DPP10: variants seen among roughly 807,000 people sequenced by gnomAD.
The protein encoded by DPP10 is inactive dipeptidyl peptidase 10.
A neutral mutation model predicts 120.9 loss-of-function variants in DPP10; 33 were observed. That is an observed-to-expected ratio of 0.27 (90% confidence interval 0.21 to 0.37). The LOEUF is 0.37. DPP10 is among the 10% of genes least tolerant of loss of function. The probability of loss-of-function intolerance (pLI) is 1.00; values close to 1 mark genes in which losing one functional copy is unlikely to be tolerated. For missense variants in DPP10, 816 were observed against 942.8 expected, an observed-to-expected ratio of 0.87 and a Z score of 1.76; for synonymous variants, 337 against 326.1, an observed-to-expected ratio of 1.03 and a Z score of -0.36.
intron 1 of DPP10, among the ~76,000 whole-genome samples, chr2:114,934,785 G>A (rs10181973): frequency 6.6e-6 from 1 of 152,020 alleles, no homozygotes; most frequent in African/African-American, 2.4e-5. Context: ...GAACCACAGG[G>A]TTGAGGGGAG....
intron 8 of DPP10, among the ~76,000 whole-genome samples, chr2:115,736,706 G>T (rs1575634874): frequency 6.6e-6 from 1 of 152,096 alleles, no homozygotes; most frequent in South Asian, 2.1e-4. Context: ...AAATTCACGT[G>T]CCATCAGCTC....
At chr2:115,401,072 C>A (rs1155663) in intron 3 of DPP10, among the ~76,000 whole-genome samples, 25,679 of 152,144 alleles carry the variant, frequency 0.17, 2,707 homozygotes, top group East Asian at 0.35. Flanking sequence ...ATGAGCGAGC[C>A]ATAGAAGGTC....
intron 1 of DPP10, among the ~76,000 whole-genome samples, chr2:114,708,074 G>A (rs1489915708): frequency 1.3e-5 from 2 of 152,192 alleles, no homozygotes; most frequent in Non-Finnish European, 2.9e-5. Flanking sequence ...CTTAGCTCCA[G>A]TTTGGTAAGA....
chr2:115,739,473 T>C (rs1046044892), intron 8 of DPP10, among the ~76,000 whole-genome samples: 2 of 152,120 alleles, frequency 1.3e-5, no homozygotes, highest in African/African-American at 4.8e-5. Context: ...ATTACTCCAG[T>C]AGTGCTTTCA....
In DPP10 at chr2:114,942,527, C is replaced by G. The variant is rs78306081; in HGVS notation, c.61-366712C>G. Among the ~76,000 whole-genome samples the G allele has an allele frequency of 3.2e-3, 480 of 150,666 alleles. 1 individual carries two copies. The highest frequency in any genetic ancestry group is 0.011 in the African/African-American group (469 of 41,064). On this transcript the variant is annotated intron_variant, in intron 1 of 25. Transcript: ENST00000410059. ...AAGATTGTGGCCAGGAAGAATAAGT[C>G]AATCTGTCTTTTGATTACATAGATT...
intron 5 of DPP10, among the ~76,000 whole-genome samples, chr2:115,683,446 C>T (rs2090785276): frequency 6.6e-6 from 1 of 151,872 alleles, no homozygotes; most frequent in African/African-American, 2.4e-5. Context: ...CTCATCATAA[C>T]TCACGGAATA....
intron 2 of DPP10, among the ~76,000 whole-genome samples, chr2:115,321,824 T>A (rs957303004): frequency 4.6e-5 from 7 of 152,184 alleles, no homozygotes; most frequent in Non-Finnish European, 1.0e-4. Context: ...ATTCTTCTAC[T>A]GAGTTTGTAT....
chr2:115,095,580 T>TTTTTTTG (rs1709661025), intron 1 of DPP10, among the ~76,000 whole-genome samples: 1 of 103,568 alleles, frequency 9.7e-6, no homozygotes, highest in African/African-American at 3.5e-5. Context: ...TTTGGTTTTT[T>TTTTTTTG]TTTTGTTTTT....
chr2:115,703,770 T>C (rs567835406), intron 7 of DPP10, among the ~76,000 whole-genome samples: 1 of 152,154 alleles, frequency 6.6e-6, no homozygotes, highest in Admixed American at 6.6e-5. Context: ...AAATGGGCAC[T>C]ATGGCCTAAC....
chr2:115,208,653 G>A (rs2056315090), intron 1 of DPP10, among the ~76,000 whole-genome samples: 3 of 152,066 alleles, frequency 2.0e-5, no homozygotes. Flanking sequence ...ACTGTAGCAG[G>A]TGTTGGGTGA....
chr2:114,783,092 A>T (rs1682471093), intron 1 of DPP10, among the ~76,000 whole-genome samples: 2 of 152,168 alleles, frequency 1.3e-5, no homozygotes, highest in Admixed American at 1.3e-4. Flanking sequence ...TAAAATTAAA[A>T]ACTAATTTAA....
intron 1 of DPP10, among the ~76,000 whole-genome samples, chr2:114,564,718 G>GTGGAGGTAGATGAT (rs1689067476): frequency 6.6e-6 from 1 of 152,120 alleles, no homozygotes; most frequent in Non-Finnish European, 1.5e-5. Flanking sequence ...AGGTAGATGA[G>GTGGAGGTAGATGAT]TGAAGGAAGA....
At chr2:115,519,484 G>T (rs1002444236) in intron 4 of DPP10, among the ~76,000 whole-genome samples, 1 of 152,040 alleles carries the variant, frequency 6.6e-6, no homozygotes, top group Non-Finnish European at 1.5e-5. Flanking sequence ...TCAGGAAAGA[G>T]ATATAATTTA....
rs115340270 is a variant in DPP10, at chr2:115,602,684, G to A, written c.441+76712G>A. On this transcript the variant is annotated intron_variant, in intron 5 of 25. Coordinates refer to ENST00000410059, the MANE Select transcript of DPP10 (RefSeq NM_020868.6). The stretch of plus-strand genomic sequence containing the variant: ...GGAAAAAAATACACCTGTTTGCAAG[G>A]TGACATTTCTTTGAGGGCTCACTCA... Among the ~76,000 whole-genome samples the A allele has an allele frequency of 3.1e-3, 475 of 152,174 alleles. 2 individuals carry two copies. Among genetic ancestry groups the A allele is most frequent in the African/African-American group, 0.011 (452 of 41,518 alleles).
At chr2:115,587,139 T>C (rs2082344579) in intron 5 of DPP10, among the ~76,000 whole-genome samples, 2 of 135,348 alleles carry the variant, frequency 1.5e-5, no homozygotes, top group Non-Finnish European at 3.1e-5. Flanking sequence ...ACTAAGTCGC[T>C]CAGGCTGGAG....
At chr2:115,154,731 C>T (rs1298039941) in intron 1 of DPP10, among the ~76,000 whole-genome samples, 1 of 151,858 alleles carries the variant, frequency 6.6e-6, no homozygotes, top group African/African-American at 2.4e-5. Flanking sequence ...GACCCCTACC[C>T]ACCACCCCCT....
intron 5 of DPP10, among the ~76,000 whole-genome samples, chr2:115,573,735 T>C (rs2149099730): frequency 7.9e-6 from 1 of 126,556 alleles, no homozygotes; most frequent in East Asian, 2.4e-4. Flanking sequence ...TTTGTACTTT[T>C]AGTAGAGACG....
At chr2:115,090,528 C>A (rs2104556293) in intron 1 of DPP10, among the ~76,000 whole-genome samples, 1 of 152,294 alleles carries the variant, frequency 6.6e-6, no homozygotes, top group South Asian at 2.1e-4. Flanking sequence ...ATCTCAAATA[C>A]ACTCTCACAA....
At chr2:114,461,576 C>A in intron 1 of DPP10, 1 of 984,962 alleles carries the variant, frequency 1.0e-6, no homozygotes, top group African/African-American at 1.7e-5. Context: ...TCCTCTTTAT[C>A]ATATTGCATT....
Sources: allele counts gnomAD v4.1 joint callset (sites outside exome capture counted in the v4.1 genomes callset), GRCh38; gene constraint gnomAD v4.1.1; transcripts MANE v1.5; gene names NCBI Gene and HGNC (gene_info 2026-07-23, HGNC 2026-07-21).